The following FBXL20 variants were observed in gnomAD, a reference collection of about 807,000 sequenced individuals.
FBXL20 encodes F-box and leucine rich repeat protein 20, also known as F-box/LRR-repeat protein 20.
FBXL20 carries 11 observed loss-of-function variants against 64.0 expected under a neutral mutation model. The observed-to-expected ratio is 0.17, with a 90% CI of 0.11 to 0.28. The LOEUF (loss-of-function observed/expected upper bound fraction) is 0.28. FBXL20 is among the 10% of genes least tolerant of loss of function. The probability of loss-of-function intolerance (pLI) is 1.00; values close to 1 mark genes in which losing one functional copy is unlikely to be tolerated. For synonymous variants in FBXL20, 184 were observed against 189.0 expected, an observed-to-expected ratio of 0.97 and a Z score of 0.22; for missense variants, 303 against 526.2, an observed-to-expected ratio of 0.58 and a Z score of 4.15.
intron 2 of FBXL20, among the ~76,000 whole-genome samples, chr17:39,312,215 G>T (rs1033257429): frequency 1.3e-5 from 2 of 151,960 alleles, no homozygotes; most frequent in African/African-American, 4.8e-5. Context: ...AGGAGTTTGA[G>T]ACCAGCCTGG....
chr17:39,304,125 G>C (rs1420087632), intron 2 of FBXL20, among the ~76,000 whole-genome samples: 1 of 151,718 alleles, frequency 6.6e-6, no homozygotes, highest in African/African-American at 2.4e-5. Context: ...AAAACACAGT[G>C]GGAAAAAATG....
chr17:39,390,755 A>G (rs2048126409), intron 1 of FBXL20, among the ~76,000 whole-genome samples: 1 of 151,998 alleles, frequency 6.6e-6, no homozygotes, highest in Admixed American at 6.6e-5. Flanking sequence ...ATAAATAAAG[A>G]GGTCATTAGT....
At chr17:39,364,196 T>C (rs9908131) in intron 1 of FBXL20, among the ~76,000 whole-genome samples, 32,495 of 152,054 alleles carry the variant, frequency 0.21, 3,980 homozygotes, top group African/African-American at 0.32. Flanking sequence ...TGGGTCCCAA[T>C]GAATCATATC....
intron 2 of FBXL20, among the ~76,000 whole-genome samples, chr17:39,322,798 T>C (rs1196862632): frequency 6.6e-6 from 1 of 152,120 alleles, no homozygotes; most frequent in Non-Finnish European, 1.5e-5. Context: ...TGTTTTTATT[T>C]ATTTATTTTA....
intron 2 of FBXL20, among the ~76,000 whole-genome samples, chr17:39,308,566 T>TA (rs2047204112): frequency 7.8e-6 from 1 of 127,512 alleles, no homozygotes; most frequent in African/African-American, 4.0e-5. Context: ...TTTAATACAA[T>TA]AATTTTTTTT....
At chr17:39,354,006 C>A (rs943164748) in intron 1 of FBXL20, among the ~76,000 whole-genome samples, 3 of 152,116 alleles carry the variant, frequency 2.0e-5, no homozygotes, top group South Asian at 2.1e-4. Flanking sequence ...GTACTTAACA[C>A]TACTGAACTG....
intron 6 of FBXL20, among the ~76,000 whole-genome samples, chr17:39,295,803 ATAT>A (rs1567867907): frequency 1.3e-5 from 2 of 150,094 alleles, no homozygotes; most frequent in Non-Finnish European, 3.0e-5. Flanking sequence ...ATATATATAT[ATAT>A]TAAGTCTTCT....
chr17:39,325,804 T>C (rs1232393957), intron 2 of FBXL20, among the ~76,000 whole-genome samples: 2 of 152,104 alleles, frequency 1.3e-5, no homozygotes, highest in African/African-American at 4.8e-5. Flanking sequence ...TGACAGGCAG[T>C]TTGGGTACAG....
chr17:39,322,145 G>A (rs528206224), intron 2 of FBXL20, among the ~76,000 whole-genome samples: 1 of 114,576 alleles, frequency 8.7e-6, no homozygotes, highest in East Asian at 2.9e-4. Context: ...GGAAAACATA[G>A]TGAGACACTA....
At chr17:39,303,540 A>G in intron 3 of FBXL20, 45 bp downstream of exon 3, 1 of 1,514,410 alleles carries the variant, frequency 6.6e-7, no homozygotes, top group East Asian at 2.3e-5. Flanking sequence ...TGTTATCATC[A>G]GTATGAAGAA....
intron 2 of FBXL20, among the ~76,000 whole-genome samples, chr17:39,321,653 G>A (rs1385890137): frequency 9.3e-5 from 14 of 150,180 alleles, no homozygotes; most frequent in African/African-American, 2.9e-4. Context: ...GGTGGCAGGC[G>A]CCTGTAATCC....
At chr17:39,342,630 T>C (rs889908421) in intron 2 of FBXL20, among the ~76,000 whole-genome samples, 1 of 152,010 alleles carries the variant, frequency 6.6e-6, no homozygotes, top group Non-Finnish European at 1.5e-5. Context: ...GGCAGGAGAA[T>C]GGCGTGAACC....
At position 39,358,909 on chromosome 17, in the gene FBXL20, G is replaced by A. The variant is rs117978409; in HGVS notation, c.43-15668C>T. Among the ~76,000 whole-genome samples, 294 of 152,178 alleles carry A rather than the reference G, an allele frequency of 1.9e-3. 1 individual carries two copies. The highest frequency in any genetic ancestry group is 1.7e-3 in the East Asian group (9 of 5,178). ...GGGCAAAAGGCTTGAATATTCAGACGTTTCACCAAAGAAAATATACAAGGG... is the reference window on the plus strand; with the variant it reads ...GGGCAAAAGGCTTGAATATTCAGACATTTCACCAAAGAAAATATACAAGGG... On this transcript the variant is annotated intron_variant, in intron 1 of 14. Transcript: ENST00000264658.
At chr17:39,294,592 T>C (rs1430950006) in intron 6 of FBXL20, among the ~76,000 whole-genome samples, 1 of 152,186 alleles carries the variant, frequency 6.6e-6, no homozygotes, top group Non-Finnish European at 1.5e-5. Context: ...AAAATTTGTA[T>C]ATTTCAAGGC....
chr17:39,382,030 T>C (rs561650433), intron 1 of FBXL20, among the ~76,000 whole-genome samples: 3 of 145,794 alleles, frequency 2.1e-5, no homozygotes, highest in East Asian at 2.0e-4. Context: ...GAGGTGGAGG[T>C]TGCAGTAAGC....
intron 14 of FBXL20, among the ~76,000 whole-genome samples, chr17:39,263,653 C>T (rs937991712): frequency 3.3e-5 from 5 of 152,148 alleles, no homozygotes; most frequent in Non-Finnish European, 7.4e-5. Context: ...CAAGGTGCCA[C>T]TGCACTCCTG....
chr17:39,269,807 T>C (rs1223780720), intron 11 of FBXL20, among the ~76,000 whole-genome samples: 2 of 152,064 alleles, frequency 1.3e-5, no homozygotes, highest in African/African-American at 4.8e-5. Flanking sequence ...CTTTTGTATT[T>C]CTTACAGAGA....
chr17:39,334,588 T>C (rs1457576305), intron 2 of FBXL20, among the ~76,000 whole-genome samples: 1 of 152,100 alleles, frequency 6.6e-6, no homozygotes, highest in East Asian at 1.9e-4. Flanking sequence ...ACATCACAAT[T>C]ATGACCCAAC....
intron 2 of FBXL20, among the ~76,000 whole-genome samples, chr17:39,330,949 C>T (rs2047454536): frequency 6.6e-6 from 1 of 152,120 alleles, no homozygotes; most frequent in Admixed American, 6.6e-5. Context: ...AAATAAAATC[C>T]TAAATTACAA....
Sources: allele counts gnomAD v4.1 joint callset (sites outside exome capture counted in the v4.1 genomes callset), GRCh38; gene constraint gnomAD v4.1.1; transcripts MANE v1.5; gene names NCBI Gene and HGNC (gene_info 2026-07-23, HGNC 2026-07-21).